VIPAS39: variants seen among roughly 807,000 people sequenced by gnomAD.
VIPAS39 encodes spermatogenesis-defective protein 39 homolog.
In VIPAS39, 63 loss-of-function variants were observed where a neutral mutation model predicts 84.7. The ratio of observed to expected loss-of-function variants is 0.74; its 90% confidence interval spans 0.61 to 0.92. The LOEUF (loss-of-function observed/expected upper bound fraction) is 0.92. VIPAS39 is among the 40% of genes least tolerant of loss of function. The probability of loss-of-function intolerance (pLI) is 0.00; values close to 1 mark genes in which losing one functional copy is unlikely to be tolerated. For synonymous variants in VIPAS39, 192 were observed against 216.5 expected, an observed-to-expected ratio of 0.89 and a Z score of 0.99; for missense variants, 499 against 604.5, an observed-to-expected ratio of 0.83 and a Z score of 1.83.
intron 12 of VIPAS39, 149 bp downstream of exon 12, chr14:77,437,659 C>T (rs966727240): frequency 1.1e-4 from 87 of 785,338 alleles, no homozygotes; most frequent in Middle Eastern, 4.6e-4. Flanking sequence ...AGTGTGTGAA[C>T]ACCACTGCAT....
At chr14:77,435,153 G>A in intron 14 of VIPAS39, 106 bp downstream of exon 14, 1 of 1,559,302 alleles carries the variant, frequency 6.4e-7, no homozygotes, top group Non-Finnish European at 8.8e-7. Context: ...GGATTTCTGA[G>A]AACTATACAT....
At chr14:77,437,685 G>C in intron 12 of VIPAS39, 123 bp downstream of exon 12, 1 of 1,014,310 alleles carries the variant, frequency 9.9e-7, no homozygotes, top group Non-Finnish European at 1.5e-6. Context: ...GACCCTGAAT[G>C]ATGCTGGTAT....
chr14:77,443,105 C>A lies in VIPAS39; in HGVS notation c.631+14G>T. 1 of 1,614,212 alleles carries A rather than the reference C, an allele frequency of 6.2e-7. No homozygotes were observed. The highest frequency in any genetic ancestry group is 8.5e-7 in the Non-Finnish European group (1 of 1,180,032). On this transcript the variant is annotated intron_variant, in intron 9 of 19. Transcript: ENST00000557658. The stretch of plus-strand genomic sequence containing the variant: ...CACCTTGCTGACTGAAGATTTCCTG[C>A]AAGCCATTCTCACCTTTGCTCAGTG...
In VIPAS39 at chr14:77,447,071, C is replaced by T. The variant is rs542643525; in HGVS notation, c.504+1423G>A. On this transcript the variant is annotated intron_variant, in intron 7 of 19. Transcript: ENST00000557658. ...CTTTTTTTTTTTTAAGATGGAGTTC[C>T]GCTCTTGTTGCCCAGGCTGGAGTGC... Among the ~76,000 whole-genome samples the T allele has an allele frequency of 9.6e-4, 139 of 145,050 alleles. 2 individuals carry two copies. The Middle Eastern group carries it at 0.016, about 16-fold the overall frequency.
At chr14:77,430,658 AGTGAGCT>A (rs2139742822) in intron 16 of VIPAS39, among the ~76,000 whole-genome samples, 1 of 147,256 alleles carries the variant, frequency 6.8e-6, no homozygotes, top group Non-Finnish European at 1.5e-5. Flanking sequence ...CAGAGGTTGC[AGTGAGCT>A]GAGATTGCAC....
chr14:77,446,096 A>G (rs2078785017), intron 7 of VIPAS39, among the ~76,000 whole-genome samples: 1 of 151,942 alleles, frequency 6.6e-6, no homozygotes, highest in African/African-American at 2.4e-5. Flanking sequence ...GATGAAGTCC[A>G]TTTTATCAAT....
At chr14:77,438,098 A>G (rs1207634280) in intron 11 of VIPAS39, among the ~76,000 whole-genome samples, 1 of 152,212 alleles carries the variant, frequency 6.6e-6, no homozygotes, top group Non-Finnish European at 1.5e-5. Flanking sequence ...ACTAGCTACA[A>G]CTGTTTCTTT....
At chr14:77,436,767 C>A (rs542505585) in intron 12 of VIPAS39, among the ~76,000 whole-genome samples, 1 of 152,214 alleles carries the variant, frequency 6.6e-6, no homozygotes, top group Admixed American at 6.5e-5. Flanking sequence ...CATGAAGATG[C>A]TGAGGGACAG....
intron 1 of VIPAS39, among the ~76,000 whole-genome samples, chr14:77,456,268 T>C (rs2078958659): frequency 6.6e-6 from 1 of 152,122 alleles, no homozygotes; most frequent in African/African-American, 2.4e-5. Flanking sequence ...AAATTAACAC[T>C]CAATAGTAAC....
chr14:77,427,529 G>A lies in VIPAS39; in HGVS notation c.*87C>T, dbSNP rs1280194315. 6.4e-7 allele frequency: 1 copy of A among 1,562,588 alleles called. No individual in the cohort carries two copies. Among genetic ancestry groups the A allele is most frequent in the Non-Finnish European group, 8.8e-7 (1 of 1,133,544 alleles). ...GGGTAATGGGCCCAAGCGATGTGATGCCGCAGCTCTCCCAAAGAAGAGCTC... is the reference window on the plus strand; with the variant it reads ...GGGTAATGGGCCCAAGCGATGTGATACCGCAGCTCTCCCAAAGAAGAGCTC... On this transcript the variant is annotated 3_prime_UTR_variant, in exon 20 of 20. Transcript: ENST00000557658.
At chr14:77,449,897 T>C (rs2078855087) in intron 4 of VIPAS39, 145 bp from the exon 5 acceptor site, 6 of 986,900 alleles carry the variant, frequency 6.1e-6, no homozygotes, top group Non-Finnish European at 9.2e-6. Context: ...TCTGTAGAAA[T>C]CTGAAGTGCC....
chr14:77,429,886 A>G (rs2078493376), intron 16 of VIPAS39, 119 bp from the exon 17 acceptor site: 2 of 866,246 alleles, frequency 2.3e-6, no homozygotes, highest in Non-Finnish European at 4.0e-6. Flanking sequence ...GTGCTGAGGG[A>G]TACAGAAATA....
rs2078445044 is a variant in VIPAS39, at chr14:77,427,250, A to G, written c.*366T>C. 1 of 304,758 alleles carries G rather than the reference A, an allele frequency of 3.3e-6. No homozygotes were observed. Among genetic ancestry groups the G allele is most frequent in the South Asian group, 4.1e-5 (1 of 24,224 alleles). 18.9% of individuals were successfully genotyped at this position (304,758 alleles called of 1,614,324 possible). Reference sequence around the variant, plus strand: ...CAGCGCCAAGTCCTGGATCATAATTAGCTGAGTGGAATGCAGTAGCCACCC... The same window carrying G: ...CAGCGCCAAGTCCTGGATCATAATTGGCTGAGTGGAATGCAGTAGCCACCC... On this transcript the variant is annotated 3_prime_UTR_variant, in exon 20 of 20. Coordinates refer to ENST00000557658, the MANE Select transcript of VIPAS39 (RefSeq NM_001193315.2).
intron 11 of VIPAS39, among the ~76,000 whole-genome samples, chr14:77,439,187 C>T (rs1047410462): frequency 2.6e-5 from 4 of 152,060 alleles, no homozygotes; most frequent in African/African-American, 9.7e-5. Flanking sequence ...AATCTATATA[C>T]AACAACATGC....
In VIPAS39 at chr14:77,457,464, A is replaced by G. The variant is rs181945939; in HGVS notation, c.-1+31T>C. 9.2e-5 allele frequency: 136 copies of G among 1,471,584 alleles called. No homozygotes were observed. The African/African-American group carries it at 1.9e-3, about 20-fold the overall frequency. The allele number at this position is 1,471,584 out of a possible 1,614,324, so 91.2% of individuals were successfully genotyped here. On this transcript the variant is annotated intron_variant, in intron 1 of 19. Transcript: ENST00000557658. ...GCGGAGAGGCTGGATCCAGCCAGAT[A>G]CGCGACCCAAGGGGCTTGGGACACC... is the stretch of plus-strand genomic sequence containing the variant.
intron 5 of VIPAS39, 132 bp from the exon 6 acceptor site, chr14:77,449,489 T>A: frequency 7.7e-7 from 1 of 1,298,164 alleles, no homozygotes; most frequent in Non-Finnish European, 1.1e-6. Flanking sequence ...CAAAAGCAGA[T>A]CTCCGTTCTT....
At chr14:77,456,288 T>G (rs903983535) in intron 1 of VIPAS39, among the ~76,000 whole-genome samples, 3 of 152,206 alleles carry the variant, frequency 2.0e-5, no homozygotes, top group African/African-American at 7.2e-5. Flanking sequence ...CTTTTATTAT[T>G]AATACATCAT....
intron 14 of VIPAS39, among the ~76,000 whole-genome samples, chr14:77,434,639 T>A (rs1250145559): frequency 6.6e-6 from 1 of 151,708 alleles, no homozygotes; most frequent in East Asian, 1.9e-4. Flanking sequence ...TCACCTATAA[T>A]CCCAGCACTT....
At chr14:77,447,412 G>A (rs28587702) in intron 7 of VIPAS39, among the ~76,000 whole-genome samples, 1,872 of 151,732 alleles carry the variant, frequency 0.012, 40 homozygotes, top group African/African-American at 0.043. Flanking sequence ...TCCTGGGCTC[G>A]ACAGATCCTC....
Sources: allele counts gnomAD v4.1 joint callset (sites outside exome capture counted in the v4.1 genomes callset), GRCh38; gene constraint gnomAD v4.1.1; transcripts MANE v1.5; gene names NCBI Gene and HGNC (gene_info 2026-07-23, HGNC 2026-07-21).